The following SEC63 variants were observed in gnomAD, a reference collection of about 807,000 sequenced individuals.
SEC63 encodes the protein translocation protein SEC63 homolog.
A neutral mutation model predicts 116.2 loss-of-function variants in SEC63; 56 were observed. The ratio of observed to expected loss-of-function variants is 0.48; its 90% CI spans 0.39 to 0.60. The LOEUF is 0.60. SEC63 is among the 20% of genes least tolerant of loss of function. The pLI is 0.00. For missense variants in SEC63, 668 were observed against 900.0 expected, an observed-to-expected ratio of 0.74 and a Z score of 3.30; for synonymous variants, 273 against 294.6, an observed-to-expected ratio of 0.93 and a Z score of 0.75.
intron 2 of SEC63, among the ~76,000 whole-genome samples, chr6:107,926,864 T>A (rs1208006737): frequency 6.6e-6 from 1 of 152,166 alleles, no homozygotes; most frequent in Non-Finnish European, 1.5e-5. Flanking sequence ...GAGAAGCTCA[T>A]AACAGAATCC....
intron 8 of SEC63, 37 bp from the exon 9 acceptor site, chr6:107,906,814 T>A (rs536423838): frequency 1.4e-6 from 2 of 1,449,862 alleles, no homozygotes; most frequent in East Asian, 4.5e-5. Context: ...TAAATAAATA[T>A]GCTCATTCAT....
intron 2 of SEC63, 74 bp from the exon 3 acceptor site, chr6:107,925,006 A>G: frequency 1.1e-6 from 1 of 873,380 alleles, no homozygotes; most frequent in African/African-American, 1.6e-5. Context: ...TGGCAAGGTC[A>G]AGGCAAAAAC....
At chr6:107,933,884 C>T (rs1464981253) in intron 1 of SEC63, among the ~76,000 whole-genome samples, 1 of 152,240 alleles carries the variant, frequency 6.6e-6, no homozygotes, top group Non-Finnish European at 1.5e-5. Context: ...CCACGCCTGA[C>T]TGGTTTTCGT....
chr6:107,952,458 T>C (rs1770599725), intron 1 of SEC63, among the ~76,000 whole-genome samples: 1 of 151,928 alleles, frequency 6.6e-6, no homozygotes, highest in African/African-American at 2.4e-5. Context: ...AAAACCTCAA[T>C]AAAGATTAGT....
chr6:107,893,702 A>T, intron 15 of SEC63, 47 bp from the exon 16 acceptor site: 1 of 1,609,210 alleles, frequency 6.2e-7, no homozygotes, highest in Non-Finnish European at 8.5e-7. Context: ...CAACAGATTC[A>T]ATTGAAGGTT....
In SEC63 at chr6:107,957,990, T is replaced by C. The variant is rs865949072; in HGVS notation, c.20A>G (p.Gln7Arg). ...GAAGGTGTTCCCACTGTCATCGTAC[T>C]GGAACTGCTGCCCGGCCATGGCACC... MAGQQF[Q>R]YDDSGNTFFY... The change falls in exon 1 of 21, where the codon CAG becomes CGG. Residue 7 changes from glutamine to arginine, a missense_variant. Transcript: ENST00000369002. 1.9e-6 allele frequency: 3 copies of C among 1,613,410 alleles called. No homozygotes were observed. Among genetic ancestry groups the C allele is most frequent in the Non-Finnish European group, 2.5e-6 (3 of 1,179,558 alleles).
At chr6:107,872,404 A>G (rs1786156237) in intron 20 of SEC63, among the ~76,000 whole-genome samples, 1 of 152,178 alleles carries the variant, frequency 6.6e-6, no homozygotes, top group Non-Finnish European at 1.5e-5. Flanking sequence ...CAAAGATCAG[A>G]GTGTGCTGCA....
chr6:107,926,245 ATAAAG>A (rs879864239), intron 2 of SEC63, among the ~76,000 whole-genome samples: 1 of 152,234 alleles, frequency 6.6e-6, no homozygotes, highest in Admixed American at 6.5e-5. Context: ...AAATAAGTGC[ATAAAG>A]TAATTATCTT....
chr6:107,874,408 C>T lies in SEC63; in HGVS notation c.2035-1496G>A, dbSNP rs183043590. 1.1e-3 allele frequency among the ~76,000 whole-genome samples: 174 copies of T among 152,122 alleles called. 3 individuals are homozygous for T. The highest frequency in any genetic ancestry group is 7.9e-3 in the Admixed American group (121 of 15,286). On this transcript the variant is annotated intron_variant, in intron 19 of 20. Transcript: ENST00000369002. ...AGGAGATTGAGACCATCATGGCTAA[C>T]ACAGTGAAACCCCGTCTCTACTAAA...
At chr6:107,942,525 GA>G (rs539245297) in intron 1 of SEC63, among the ~76,000 whole-genome samples, 38 of 151,774 alleles carry the variant, frequency 2.5e-4, no homozygotes, top group African/African-American at 8.9e-4. Flanking sequence ...TGAGGATATA[GA>G]AAAAAAACAA....
intron 1 of SEC63, among the ~76,000 whole-genome samples, chr6:107,944,792 T>C (rs188381680): frequency 1.3e-5 from 2 of 152,332 alleles, no homozygotes; most frequent in East Asian, 3.9e-4. Flanking sequence ...TCACCCCACC[T>C]GGGTTACAAA....
chr6:107,886,684 G>C (rs1184972728), intron 16 of SEC63, among the ~76,000 whole-genome samples: 1 of 121,506 alleles, frequency 8.2e-6, no homozygotes, highest in Admixed American at 9.1e-5. Context: ...CATATACTTT[G>C]CCCACTTTTT....
chr6:107,882,143 C>G (rs1786427267), intron 17 of SEC63, among the ~76,000 whole-genome samples: 1 of 152,186 alleles, frequency 6.6e-6, no homozygotes, highest in South Asian at 2.1e-4. Flanking sequence ...CTACCATTCC[C>G]AAGGACAAGT....
At chr6:107,934,018 C>CA (rs1245793188) in intron 1 of SEC63, among the ~76,000 whole-genome samples, 1 of 152,238 alleles carries the variant, frequency 6.6e-6, no homozygotes, top group African/African-American at 2.4e-5. Context: ...CTGGTTCACT[C>CA]AGTGCTCAAT....
chr6:107,882,148 AC>A (rs989043352), intron 17 of SEC63, among the ~76,000 whole-genome samples: 8 of 152,310 alleles, frequency 5.3e-5, no homozygotes, highest in Middle Eastern at 3.4e-3. Flanking sequence ...ATTCCCAAGG[AC>A]AAGTGTGTTA....
chr6:107,954,333 AGGCCGCAG>A (rs1322697276), intron 1 of SEC63, among the ~76,000 whole-genome samples: 1 of 151,934 alleles, frequency 6.6e-6, no homozygotes, highest in Non-Finnish European at 1.5e-5. Flanking sequence ...ACACTGCGGA[AGGCCGCAG>A]GGTCCTCTGC....
At chr6:107,889,030 G>C (rs1344209466) in intron 16 of SEC63, among the ~76,000 whole-genome samples, 4 of 152,170 alleles carry the variant, frequency 2.6e-5, no homozygotes, top group African/African-American at 9.7e-5. Flanking sequence ...ATGTTCATCA[G>C]GGATATTCGC....
chr6:107,898,759 T>C (rs1786925063), intron 13 of SEC63, among the ~76,000 whole-genome samples: 2 of 152,106 alleles, frequency 1.3e-5, no homozygotes, highest in Admixed American at 1.3e-4. Flanking sequence ...ATGTGATCAT[T>C]AATTCATTTT....
Position 107,897,710 on chromosome 6 carries a change from T to C in SEC63, c.1379A>G (p.Asn460Ser), listed in dbSNP as rs747570293. 6 of 1,608,904 alleles carry C rather than the reference T, an allele frequency of 3.7e-6. No homozygotes were observed. ...KSQVLDDEDS[N>S]NITVGSLVTV... is the part of the protein sequence containing the mutation. ...AACTAAGGATCCTACTGTGATGTTG[T>C]TGCTATCTTCATCATCTAACACTGT... The change falls in exon 14 of 21, where the codon AAC becomes AGC. Residue 460 changes from asparagine (N) to serine (S), a missense_variant. Asn to Ser is a conservative substitution (Grantham distance 46). Around this residue, in one of 5 missense-constraint regions of SEC63, gnomAD observed 430 missense variants for 557.5 expected, o/e 0.77. Transcript: ENST00000369002.
Sources: gnomAD v4.1 joint callset for allele counts (sites outside exome capture counted in the v4.1 genomes callset) on GRCh38, gnomAD v4.1.1 for gene constraint, gnomAD v4.1.1 regional missense constraint, MANE v1.5 for transcripts, NCBI Gene and HGNC (gene_info 2026-07-23, HGNC 2026-07-21) for gene names.